DNAJC25: variants seen among roughly 807,000 people sequenced by gnomAD.
The protein encoded by DNAJC25 is DnaJ heat shock protein family (Hsp40) member C25, also known as dnaJ homolog subfamily C member 25.
Under a neutral mutation model 42.1 loss-of-function variants are expected in DNAJC25, and 26 were observed. The ratio of observed to expected loss-of-function variants is 0.62; its 90% CI spans 0.45 to 0.86. The LOEUF (loss-of-function observed/expected upper bound fraction) is 0.86, where lower values mean the gene tolerates loss of function less well. Among genes scored for constraint, DNAJC25 ranks in the 40% least tolerant of loss-of-function variants. The pLI, the probability that DNAJC25 is intolerant of heterozygous loss-of-function variation, is 0.00. For missense variants in DNAJC25, 404 were observed against 459.4 expected, an observed-to-expected ratio of 0.88 and a Z score of 1.10; for synonymous variants, 189 against 179.9, an observed-to-expected ratio of 1.05 and a Z score of -0.40.
At chr9:111,639,720 G>T (rs933669904) in intron 1 of DNAJC25, among the ~76,000 whole-genome samples, 4 of 148,292 alleles carry the variant, frequency 2.7e-5, no homozygotes, top group Non-Finnish European at 4.5e-5. Context: ...TGTGTGTGTG[G>T]ATTTAAAAAA....
intron 1 of DNAJC25, among the ~76,000 whole-genome samples, chr9:111,639,378 G>C (rs1223368489): frequency 6.6e-6 from 1 of 152,186 alleles, no homozygotes; most frequent in African/African-American, 2.4e-5. Flanking sequence ...TTGAGTTTGA[G>C]ATATTTATGT....
chr9:111,647,664 G>A (rs1325734358), intron 2 of DNAJC25, among the ~76,000 whole-genome samples: 1 of 152,224 alleles, frequency 6.6e-6, no homozygotes, highest in African/African-American at 2.4e-5. Context: ...AGTAGTGCTT[G>A]CCATCATTAT....
intron 1 of DNAJC25, among the ~76,000 whole-genome samples, chr9:111,634,980 C>G (rs1335211051): frequency 6.6e-6 from 1 of 152,180 alleles, no homozygotes; most frequent in Non-Finnish European, 1.5e-5. Flanking sequence ...CAGATCTCAG[C>G]AAAACTTCAA....
intron 1 of DNAJC25, among the ~76,000 whole-genome samples, chr9:111,640,769 G>C (rs1830442183): frequency 5.3e-5 from 6 of 113,298 alleles, no homozygotes; most frequent in South Asian, 2.7e-4. Flanking sequence ...TCTCCGCCCA[G>C]CAGCCACCCC....
At chr9:111,650,906 A>G (rs1589349122) in intron 3 of DNAJC25, among the ~76,000 whole-genome samples, 1 of 152,180 alleles carries the variant, frequency 6.6e-6, no homozygotes, top group African/African-American at 2.4e-5. Context: ...TTTGGTCTGA[A>G]TTATATTTAT....
chr9:111,648,723 T>A (rs867272287), intron 2 of DNAJC25, among the ~76,000 whole-genome samples: 36 of 152,200 alleles, frequency 2.4e-4, no homozygotes, highest in African/African-American at 6.8e-4. Flanking sequence ...TAGTAACTTT[T>A]AAAAAAATAT....
At chr9:111,644,135 A>C (rs965369878) in intron 1 of DNAJC25, among the ~76,000 whole-genome samples, 1 of 152,206 alleles carries the variant, frequency 6.6e-6, no homozygotes, top group Non-Finnish European at 1.5e-5. Flanking sequence ...TTTTAGTCTA[A>C]TCATGGCCAA....
At chr9:111,641,528 TGGG>T (rs1315136840) in intron 1 of DNAJC25, among the ~76,000 whole-genome samples, 1 of 53,986 alleles carries the variant, frequency 1.9e-5, no homozygotes, top group Non-Finnish European at 3.2e-5. Flanking sequence ...GGGAGGGAGG[TGGG>T]GGGGTCGGAC....
At position 111,654,312 on chromosome 9, in the gene DNAJC25, C is replaced by G. The variant is rs1830713039; in HGVS notation, c.*1090C>G. On this transcript the variant is annotated 3_prime_UTR_variant, in exon 4 of 4. Coordinates refer to ENST00000313525, the MANE Select transcript of DNAJC25 (RefSeq NM_001015882.3). Reference sequence around the variant, plus strand: ...AGTACCCCTGTTAAAGGATTTATCCCATTGCTTCATATTAATAAAATGGTT... The same window carrying G: ...AGTACCCCTGTTAAAGGATTTATCCGATTGCTTCATATTAATAAAATGGTT... 1 of 152,180 alleles carries G rather than the reference C, an allele frequency of 6.6e-6. No homozygotes were observed. Among genetic ancestry groups the G allele is most frequent in the Non-Finnish European group, 1.5e-5 (1 of 68,036 alleles). The allele number at this position is 152,180 out of a possible 1,614,324, so 9.4% of individuals were successfully genotyped here.
chr9:111,636,138 T>C (rs1830359893), intron 1 of DNAJC25, among the ~76,000 whole-genome samples: 1 of 152,226 alleles, frequency 6.6e-6, no homozygotes, highest in Admixed American at 6.5e-5. Context: ...AGGAAGTGAT[T>C]ATGTCTTCTT....
At position 111,631,386 on chromosome 9, in the gene DNAJC25, A is replaced by G. The variant is rs1050128471; in HGVS notation, c.-22A>G. ...AGTGCTGCAGAATCGCTGGGGTGGC[A>G]GAGCCGCCAGCGAGGCTGGGGATGG... is the stretch of plus-strand genomic sequence containing the variant. On this transcript the variant is annotated 5_prime_UTR_variant, in exon 1 of 4. Coordinates refer to ENST00000313525, the MANE Select transcript of DNAJC25 (RefSeq NM_001015882.3). The G allele has an allele frequency of 1.0e-5, 13 of 1,273,200 alleles. No homozygotes were observed. The highest frequency in any genetic ancestry group is 1.5e-5 in the African/African-American group (1 of 64,550). 78.9% of individuals were successfully genotyped at this position (1,273,200 alleles called of 1,614,324 possible).
At chr9:111,649,383 C>G in intron 2 of DNAJC25, 70 bp from the exon 3 acceptor site, 1 of 1,460,518 alleles carries the variant, frequency 6.8e-7, no homozygotes, top group Non-Finnish European at 9.0e-7. Flanking sequence ...CACCGAGACT[C>G]TATCATTCCT....
chr9:111,647,020 T>C, intron 1 of DNAJC25, 87 bp from the exon 2 acceptor site: 2 of 1,365,126 alleles, frequency 1.5e-6, no homozygotes, highest in Non-Finnish European at 1.9e-6. Flanking sequence ...TACATAATTA[T>C]AAAATTCTAT....
rs1830690040 is a variant in DNAJC25 at position 111,653,197 on chromosome 9, G to T, written c.1058G>T (p.Gly353Val). ...YRRWMKNEGP[G>V]RLTFVDD ...AGATGGATGAAGAATGAAGGGCCTG[G>T]GCGGTTAACATTTGTGGATGACTGA... Residue 353 changes from glycine (G) to valine (V), a missense_variant, in exon 4 of 4, where the codon GGG (glycine) becomes GTG (valine). Coordinates refer to ENST00000313525, the MANE Select transcript of DNAJC25 (RefSeq NM_001015882.3). The T allele has an allele frequency of 1.3e-6, 2 of 1,589,428 alleles. No homozygotes were observed. Among genetic ancestry groups the T allele is most frequent in the African/African-American group, 2.7e-5 (2 of 74,096 alleles).
At chr9:111,642,621 AT>A (rs1830496782) in intron 1 of DNAJC25, among the ~76,000 whole-genome samples, 3 of 148,852 alleles carry the variant, frequency 2.0e-5, no homozygotes, top group African/African-American at 7.5e-5. Flanking sequence ...AAATAAATAA[AT>A]AAATAAATAA....
intron 2 of DNAJC25, 146 bp from the exon 3 acceptor site, chr9:111,649,307 T>G: frequency 7.2e-7 from 1 of 1,391,674 alleles, no homozygotes; most frequent in Non-Finnish European, 9.4e-7. Flanking sequence ...TTGTGTCTTT[T>G]ACTTACAAAG....
rs1830702101 is a variant in DNAJC25 at position 111,653,804 on chromosome 9, C to G, written c.*582C>G. 6.6e-6 allele frequency: 1 copy of G among 152,552 alleles called. No individual in the cohort carries two copies. Among genetic ancestry groups the G allele is most frequent in the African/African-American group, 2.4e-5 (1 of 41,440 alleles). 9.4% of individuals were successfully genotyped at this position (152,552 alleles called of 1,614,324 possible). ...TCTGCTAGAATTTCTCCCCTCTATT[C>G]ATTATAATATTCTTTGTTTTTAAAG... On this transcript the variant is annotated 3_prime_UTR_variant, in exon 4 of 4. Coordinates refer to ENST00000313525, the MANE Select transcript of DNAJC25 (RefSeq NM_001015882.3).
chr9:111,649,424 G>T (rs983684481), intron 2 of DNAJC25, 29 bp from the exon 3 acceptor site: 3 of 1,515,028 alleles, frequency 2.0e-6, no homozygotes, highest in South Asian at 2.7e-5. Flanking sequence ...TAATGAAAAT[G>T]ACTCATTGTT....
intron 1 of DNAJC25, among the ~76,000 whole-genome samples, chr9:111,644,741 T>C (rs1390194838): frequency 6.6e-6 from 1 of 152,236 alleles, no homozygotes; most frequent in Non-Finnish European, 1.5e-5. Context: ...TCTGTCATGA[T>C]TGGGATGCCG....
Sources: allele counts gnomAD v4.1 joint callset (sites outside exome capture counted in the v4.1 genomes callset), GRCh38; gene constraint gnomAD v4.1.1; transcripts MANE v1.5; gene names NCBI Gene and HGNC (gene_info 2026-07-23, HGNC 2026-07-21).